Variants in FHAD1 observed in about 807,000 individuals in gnomAD.
FHAD1 encodes forkhead associated phosphopeptide binding domain 1.
In FHAD1, 146 loss-of-function variants were observed where a neutral mutation model predicts 191.3. That is an observed-to-expected ratio of 0.76 (90% CI 0.67 to 0.88). The LOEUF (loss-of-function observed/expected upper bound fraction) is 0.88, where lower values mean the gene tolerates loss of function less well. Ranked by LOEUF, FHAD1 falls within the 40% of genes least tolerant of loss-of-function variation. FHAD1 has a pLI of 0.00. For synonymous variants in FHAD1, 616 were observed against 672.3 expected (o/e 0.92, Z 1.29); for missense variants, 1,635 against 1,785.8 (o/e 0.92, Z 1.52).
At chr1:15,285,255 G>T (rs916215445) in intron 3 of FHAD1, among the ~76,000 whole-genome samples, 1 of 152,220 alleles carries the variant, frequency 6.6e-6, no homozygotes, top group East Asian at 1.9e-4. Flanking sequence ...AACAATGCCG[G>T]GCGCTGTGGC....
intron 21 of FHAD1, among the ~76,000 whole-genome samples, chr1:15,360,204 A>C (rs926241836): frequency 2.6e-5 from 4 of 152,246 alleles, no homozygotes; most frequent in Admixed American, 2.6e-4. Context: ...ACAATGAAAC[A>C]GACGCTGGAA....
At chr1:15,239,324 T>C (rs1355687750) in intron 1 of FHAD1, among the ~76,000 whole-genome samples, 1 of 152,158 alleles carries the variant, frequency 6.6e-6, no homozygotes, top group Non-Finnish European at 1.5e-5. Flanking sequence ...CACTGGGCCA[T>C]GCCTGTAATC....
chr1:15,248,250 T>G (rs1024690328), intron 1 of FHAD1, among the ~76,000 whole-genome samples: 9 of 152,180 alleles, frequency 5.9e-5, no homozygotes, highest in African/African-American at 2.2e-4. Flanking sequence ...ATGAACAGAC[T>G]GTGAGGAAAT....
intron 2 of FHAD1, among the ~76,000 whole-genome samples, chr1:15,267,491 C>T (rs1654032301): frequency 6.6e-6 from 1 of 152,090 alleles, no homozygotes; most frequent in African/African-American, 2.4e-5. Flanking sequence ...AGTATTCCTC[C>T]TGCTTCTATT....
At chr1:15,283,690 G>A (rs1661372077) in intron 3 of FHAD1, among the ~76,000 whole-genome samples, 1 of 152,152 alleles carries the variant, frequency 6.6e-6, no homozygotes, top group African/African-American at 2.4e-5. Context: ...GCCCTGCCTG[G>A]GGGGAGACTG....
Position 15,289,673 on chromosome 1 carries a change from G to A in FHAD1, c.568+7G>A, listed in dbSNP as rs1159363541. The A allele has an allele frequency of 1.4e-5, 21 of 1,541,866 alleles. No homozygotes were observed. Among genetic ancestry groups the A allele is most frequent in the Non-Finnish European group, 1.7e-5 (19 of 1,139,172 alleles). ...CCACCCGTCATCAAGCAAGGTATGC[G>A]TCAGGGCTGCCATTGGTGGCTTGGG... On this transcript the variant is annotated splice_region_variant and intron_variant, in intron 4 of 33. Coordinates refer to ENST00000688493, the MANE Select transcript of FHAD1 (RefSeq NM_001391957.1). This position sits in a 1 kb window ranked among gnomAD's most constrained non-coding sequence, Gnocchi z 4.2.
At chr1:15,271,140 GAA>G (rs543401814) in intron 2 of FHAD1, among the ~76,000 whole-genome samples, 117 of 76,670 alleles carry the variant, frequency 1.5e-3, no homozygotes, top group South Asian at 9.0e-3. Flanking sequence ...CTCCATCTCG[GAA>G]AAAAAAAAAA....
At chr1:15,317,380 C>T (rs1256319259) in intron 9 of FHAD1, among the ~76,000 whole-genome samples, 6 of 152,162 alleles carry the variant, frequency 3.9e-5, no homozygotes, top group South Asian at 2.1e-4. Context: ...ACGCCAGCAC[C>T]GTTCCTCCAG....
chr1:15,342,392 A>G (rs1249081826), intron 16 of FHAD1, among the ~76,000 whole-genome samples: 1 of 152,212 alleles, frequency 6.6e-6, no homozygotes, highest in African/African-American at 2.4e-5. Flanking sequence ...TCTGGTTAAG[A>G]TGCAGATTCT....
Position 15,238,250 on chromosome 1 carries a change from G to GAAAAAA in FHAD1, c.-15+1503_-15+1508dup, listed in dbSNP as rs35058576. On this transcript the variant is annotated intron_variant, in intron 1 of 33. Transcript: ENST00000683790. ...CAATAGAGTGAGACTCCATCTCAAG[G>GAAAAAA]AAAAAAAAAAAAAAAAAAAGGAGCA... Among the ~76,000 whole-genome samples the GAAAAAA allele has an allele frequency of 2.5e-3, 242 of 96,866 alleles. 7 individuals are homozygous for GAAAAAA. Among genetic ancestry groups the GAAAAAA allele is most frequent in the African/African-American group, 8.3e-3 (209 of 25,236 alleles). 63.5% of individuals were successfully genotyped at this position (96,866 alleles called of 152,430 possible). A position where few individuals can be genotyped will look rare whatever the true frequency, so the allele number is the denominator to read the frequency against.
Position 15,289,383 on chromosome 1 carries a change from T to C in FHAD1, c.301-16T>C. ...AGCCGGTCATAACCTCCCCTGACCC[T>C]TGTCTGCCCCTGCAGGTCTCTTTCC... is the stretch of plus-strand genomic sequence containing the variant. On this transcript the variant is annotated splice_polypyrimidine_tract_variant and intron_variant, in intron 3 of 33. Coordinates refer to ENST00000688493, the MANE Select transcript of FHAD1 (RefSeq NM_001391957.1). This position sits in a 1 kb window ranked among gnomAD's most constrained non-coding sequence, Gnocchi z 4.2. The C allele has an allele frequency of 6.5e-7, 1 of 1,550,126 alleles. No homozygotes were observed. The highest frequency in any genetic ancestry group is 8.7e-7 in the Non-Finnish European group (1 of 1,146,196).
intron 19 of FHAD1, among the ~76,000 whole-genome samples, chr1:15,351,696 G>A (rs1035177459): frequency 2.0e-5 from 3 of 151,816 alleles, no homozygotes; most frequent in Admixed American, 6.6e-5. Context: ...CCCTCACCAC[G>A]GGGCATGCAG....
chr1:15,336,836 A>G (rs538015659), intron 14 of FHAD1, among the ~76,000 whole-genome samples: 1 of 152,168 alleles, frequency 6.6e-6, no homozygotes, highest in Non-Finnish European at 1.5e-5. Context: ...AACGCTCTTC[A>G]TTCTCTTTTT....
Position 15,374,517 on chromosome 1 carries a change from G to T in FHAD1, c.3463G>T (p.Asp1155Tyr). Residue 1155 changes from aspartate (D) to tyrosine (Y), a missense_variant, in exon 27 of 34, where the codon GAT becomes TAT. Physicochemically the swap from Asp to Tyr is radical, Grantham distance 160. Transcript: ENST00000688493. ...CTGCCCACAGCAGCAATCCTTCAGC[G>T]ATCTAGGGGTCAGGTGCAAAGGGTC... ...SSSQEQQSFS[D>Y]LGVRCKGSRH... The T allele has an allele frequency of 6.4e-7, 1 of 1,551,812 alleles. No individual in the cohort carries two copies. The highest frequency in any genetic ancestry group is 8.7e-7 in the Non-Finnish European group (1 of 1,147,020).
chr1:15,374,854 T>TTG (rs1699125215), intron 27 of FHAD1, among the ~76,000 whole-genome samples: 3 of 129,984 alleles, frequency 2.3e-5, no homozygotes, highest in African/African-American at 1.2e-4. Context: ...GTACGTTTTT[T>TTG]TTTTTGTTTG....
At chr1:15,378,841 G>A (rs946089280) in intron 28 of FHAD1, among the ~76,000 whole-genome samples, 2 of 152,052 alleles carry the variant, frequency 1.3e-5, no homozygotes, top group Non-Finnish European at 2.9e-5. Flanking sequence ...TGTTCGTGGC[G>A]AGCACTTAAA....
chr1:15,267,364 G>C (rs1653977470), intron 2 of FHAD1, among the ~76,000 whole-genome samples: 1 of 152,074 alleles, frequency 6.6e-6, no homozygotes, highest in Admixed American at 6.6e-5. Context: ...CTAATATTTT[G>C]TTGAAGACTT....
Position 15,360,507 on chromosome 1 carries a change from G to A in FHAD1, c.2766G>A (p.Gln922=). Residue 922 remains glutamine, a synonymous_variant, in exon 22 of 34, where the codon CAG becomes CAA. Transcript: ENST00000688493. Reference sequence around the variant, plus strand: ...TGGTGGAAGAGCGGCTAATCCTGCAGCAGAAGATGGTAAAGGCCCTCCAGG... The same window carrying A: ...TGGTGGAAGAGCGGCTAATCCTGCAACAGAAGATGGTAAAGGCCCTCCAGG... ...MIMVEERLIL[Q]QKMVKALQDE... 4 of 1,551,574 alleles carry A rather than the reference G, an allele frequency of 2.6e-6. No individual in the cohort carries two copies. The highest frequency in any genetic ancestry group is 3.5e-6 in the Non-Finnish European group (4 of 1,146,898).
chr1:15,343,489 C>G (rs887244723), intron 16 of FHAD1, among the ~76,000 whole-genome samples: 1 of 152,060 alleles, frequency 6.6e-6, no homozygotes, highest in East Asian at 1.9e-4. Context: ...ACCACACACA[C>G]CTGCCCTCCA....
Sources: allele counts gnomAD v4.1 joint callset (sites outside exome capture counted in the v4.1 genomes callset), GRCh38; gene constraint gnomAD v4.1.1; non-coding constraint Gnocchi (gnomAD v3.1); transcripts MANE v1.5; gene names NCBI Gene and HGNC (gene_info 2026-07-23, HGNC 2026-07-21).